Variants in FAT1 observed in about 807,000 individuals in gnomAD.
FAT1 encodes protocadherin Fat 1.
Under a neutral mutation model 329.8 loss-of-function variants are expected in FAT1, and 171 were observed. The ratio of observed to expected loss-of-function variants is 0.52; its 90% CI spans 0.46 to 0.59. The LOEUF is 0.59. Among genes scored for constraint, FAT1 ranks in the 20% least tolerant of loss-of-function variants. The pLI is 0.00. For missense variants in FAT1, 5,672 were observed against 5,774.4 expected (o/e 0.98, Z 0.57); for synonymous variants, 2,233 against 2,228.6 (o/e 1.00, Z -0.06).
intron 1 of FAT1, among the ~76,000 whole-genome samples, chr4:186,712,830 C>T (rs1251500279): frequency 6.6e-6 from 1 of 152,108 alleles, no homozygotes; most frequent in Non-Finnish European, 1.5e-5. Flanking sequence ...TATCTCGAGA[C>T]ATTGCCAAAC....
At chr4:186,692,432 C>T (rs1743823149) in intron 2 of FAT1, among the ~76,000 whole-genome samples, 2 of 152,144 alleles carry the variant, frequency 1.3e-5, no homozygotes, top group South Asian at 2.1e-4. Context: ...CCTGCCTCAG[C>T]CTCCCGAGTA....
At chr4:186,666,763 T>A (rs1286834162) in intron 2 of FAT1, among the ~76,000 whole-genome samples, 1 of 152,232 alleles carries the variant, frequency 6.6e-6, no homozygotes, top group Non-Finnish European at 1.5e-5. Context: ...ACATGCATTA[T>A]CTTATATAAT....
At chr4:186,649,389 C>A (rs1033316636) in intron 3 of FAT1, among the ~76,000 whole-genome samples, 1 of 152,102 alleles carries the variant, frequency 6.6e-6, no homozygotes, top group African/African-American at 2.4e-5. Context: ...GTGGCTCCTG[C>A]CCAAAAGATA....
chr4:186,719,447 C>T (rs1745368182), intron 1 of FAT1, among the ~76,000 whole-genome samples: 1 of 152,198 alleles, frequency 6.6e-6, no homozygotes, highest in South Asian at 2.1e-4. Flanking sequence ...AAATCCCAAA[C>T]CTCCCTTAGA....
At chr4:186,632,845 ATTT>A (rs1740657079) in intron 7 of FAT1, among the ~76,000 whole-genome samples, 1 of 152,214 alleles carries the variant, frequency 6.6e-6, no homozygotes, top group African/African-American at 2.4e-5. Context: ...GTTCTCTGAC[ATTT>A]AACTTCTTTC....
intron 3 of FAT1, among the ~76,000 whole-genome samples, chr4:186,657,138 T>C (rs1741940646): frequency 6.6e-6 from 1 of 152,184 alleles, no homozygotes; most frequent in African/African-American, 2.4e-5. Context: ...CCCTATGTGA[T>C]GTCCAAGAGA....
At position 186,618,459 on chromosome 4, in the gene FAT1, G is replaced by C. The variant is rs2126495583; in HGVS notation, c.8127C>G (p.Thr2709=). ...TAGGCACGTCCTCTGACACTGTAAAGGTATAGAAAGGTTCTGAAAATTTTG... is the reference window on the plus strand; with the variant it reads ...TAGGCACGTCCTCTGACACTGTAAACGTATAGAAAGGTTCTGAAAATTTTG... The part of the protein sequence containing the change: ...QLPKFSEPFY[T]FTVSEDVPIG... Residue 2709 remains threonine (T), a synonymous_variant, in exon 10 of 27, where the codon ACC becomes ACG. Transcript: ENST00000441802. The C allele has an allele frequency of 6.2e-7, 1 of 1,614,002 alleles. No individual in the cohort carries two copies. Among genetic ancestry groups the C allele is most frequent in the Non-Finnish European group, 8.5e-7 (1 of 1,179,896 alleles).
At chr4:186,640,827 A>G (rs1741056357) in intron 3 of FAT1, among the ~76,000 whole-genome samples, 1 of 152,182 alleles carries the variant, frequency 6.6e-6, no homozygotes. Context: ...TCCCCTAAGC[A>G]CTAAAATGTC....
At chr4:186,724,699 G>A (rs1429153636), upstream of FAT1, among the ~76,000 whole-genome samples, 1 of 152,204 alleles carries the variant, frequency 6.6e-6, no homozygotes, top group Non-Finnish European at 1.5e-5. The surrounding 1 kb of genome is among the most constrained non-coding windows in gnomAD (Gnocchi z 5.3). Flanking sequence ...CCCATCCCCG[G>A]TGCGGGCAGG....
intron 26 of FAT1, chr4:186,590,279 G>A (rs993509686): frequency 2.6e-6 from 2 of 764,818 alleles, no homozygotes; most frequent in Non-Finnish European, 3.9e-6. Context: ...CAAACACTGG[G>A]CGACCCAGCG....
chr4:186,631,396 G>A (rs1344736333), intron 7 of FAT1, among the ~76,000 whole-genome samples: 1 of 150,922 alleles, frequency 6.6e-6, no homozygotes, highest in East Asian at 2.0e-4. Context: ...CTGCCCAGCT[G>A]ACTGCTCTGC....
At chr4:186,681,704 G>A (rs1194589077) in intron 2 of FAT1, among the ~76,000 whole-genome samples, 1 of 152,208 alleles carries the variant, frequency 6.6e-6, no homozygotes, top group African/African-American at 2.4e-5. Flanking sequence ...ACCTGAAACA[G>A]TATGCATCAA....
At chr4:186,690,393 G>A (rs1330138176) in intron 2 of FAT1, among the ~76,000 whole-genome samples, 1 of 152,100 alleles carries the variant, frequency 6.6e-6, no homozygotes, top group Non-Finnish European at 1.5e-5. Flanking sequence ...TTTCGTGTAC[G>A]TCATTCACAG....
intron 2 of FAT1, among the ~76,000 whole-genome samples, chr4:186,688,668 A>AAC (rs1192592569): frequency 1.8e-5 from 2 of 110,858 alleles, no homozygotes; most frequent in South Asian, 3.3e-4. Flanking sequence ...CCCCCAAAAA[A>AAC]ACACACACCC....
intron 16 of FAT1, among the ~76,000 whole-genome samples, chr4:186,607,697 G>A (rs531671689): frequency 7.4e-4 from 112 of 151,890 alleles, no homozygotes; most frequent in African/African-American, 2.5e-3. Flanking sequence ...GTGGGTGGAT[G>A]GATGGGTAGG....
rs1201903205 is a variant in FAT1 at position 186,602,982 on chromosome 4, C to T, written c.11403G>A (p.Glu3801=). ...HHGCEDDPCP[E]GSECVSDPWE... is the part of the protein sequence containing the mutation. The stretch of plus-strand genomic sequence containing the variant: ...AGGGATCAGACACACATTCGGATCC[C>T]TCAGGGCACGGATCATCTTCACAGC... Residue 3801 remains glutamate, a synonymous_variant, in exon 20 of 27, where the codon GAG becomes GAA. Coordinates refer to ENST00000441802, the MANE Select transcript of FAT1 (RefSeq NM_005245.4). 1.2e-6 allele frequency: 2 copies of T among 1,613,998 alleles called. No homozygotes were observed. Among genetic ancestry groups the T allele is most frequent in the Middle Eastern group, 1.6e-4 (1 of 6,062 alleles).
chr4:186,621,347 T>C lies in FAT1; in HGVS notation c.5239A>G (p.Thr1747Ala). Residue 1747 changes from threonine (T) to alanine (A), a missense_variant, in exon 10 of 27, where the codon ACT becomes GCT. By Grantham distance (58) the Thr-to-Ala change is moderately conservative (BLOSUM62 0). This residue lies in a region of FAT1 where 3,966 missense variants were observed against 3,915.2 expected (regional missense o/e 1.01). Transcript: ENST00000441802. ...IQGTNMAGLS[T>A]NTTVLVHLQD... ...AAGTGAACTAGAACCGTTGTATTAG[T>C]GGACAAACCAGCCATGTTAGTTCCT... 2.5e-6 allele frequency: 4 copies of C among 1,614,038 alleles called. No individual in the cohort carries two copies. Among genetic ancestry groups the C allele is most frequent in the Non-Finnish European group, 3.4e-6 (4 of 1,179,898 alleles).
chr4:186,668,352 T>C (rs1441935719), intron 2 of FAT1, among the ~76,000 whole-genome samples: 1 of 152,078 alleles, frequency 6.6e-6, no homozygotes, highest in Non-Finnish European at 1.5e-5. Flanking sequence ...CTAGATAATG[T>C]GCAAAGAAAG....
Position 186,597,726 on chromosome 4 carries a change from CA to C in FAT1, c.12323del (p.Leu4108TrpfsTer98). On this transcript the variant is annotated frameshift_variant, in exon 24 of 27. Coordinates refer to ENST00000441802, the MANE Select transcript of FAT1 (RefSeq NM_005245.4). LOFTEE classifies it high-confidence loss of function. The part of the protein sequence containing the change: ...CKNGGTCFDS[L>X]DGAVCQCDSG... ...AATCACACTGACAAACGGCGCCATCCAAACTGTCAAAGCATGTTCCGCCATT... is the reference window on the plus strand; with the variant it reads ...AATCACACTGACAAACGGCGCCATCCAACTGTCAAAGCATGTTCCGCCATT... The C allele has an allele frequency of 6.2e-7, 1 of 1,613,900 alleles. No homozygotes were observed. Among genetic ancestry groups the C allele is most frequent in the Non-Finnish European group, 8.5e-7 (1 of 1,179,880 alleles).
Sources: allele counts gnomAD v4.1 joint callset (sites outside exome capture counted in the v4.1 genomes callset), GRCh38; gene constraint gnomAD v4.1.1; regional missense constraint gnomAD v4.1.1; non-coding constraint Gnocchi (gnomAD v3.1); transcripts MANE v1.5; gene names NCBI Gene and HGNC (gene_info 2026-07-23, HGNC 2026-07-21).